Variants in TRERF1 observed in about 807,000 individuals in gnomAD.
The protein encoded by TRERF1 is transcriptional regulating factor 1.
TRERF1 carries 27 observed loss-of-function variants against 122.9 expected under a neutral mutation model. The observed-to-expected ratio is 0.22, with a 90% CI of 0.16 to 0.30. The LOEUF (loss-of-function observed/expected upper bound fraction) is 0.30, where lower values mean the gene tolerates loss of function less well. TRERF1 is among the 10% of genes least tolerant of loss of function. The probability of loss-of-function intolerance (pLI) is 1.00; values close to 1 mark genes in which losing one functional copy is unlikely to be tolerated. For missense variants in TRERF1, 1,248 were observed against 1,560.3 expected (o/e 0.80, Z 3.37); for synonymous variants, 636 against 641.7 (o/e 0.99, Z 0.13).
chr6:42,265,993 A>G (rs1311429058), intron 5 of TRERF1, among the ~76,000 whole-genome samples, 196 bp from the exon 6 acceptor site: 1 of 151,784 alleles, frequency 6.6e-6, no homozygotes, highest in African/African-American at 2.4e-5. Flanking sequence ...TTGCTCCTTG[A>G]CTTGGGACCA....
chr6:42,315,760 C>A (rs561639643), intron 3 of TRERF1, among the ~76,000 whole-genome samples: 3 of 131,724 alleles, frequency 2.3e-5, no homozygotes, highest in Non-Finnish European at 3.1e-5. Context: ...TGTCTGAGGG[C>A]TGGAGAACGC....
chr6:42,278,423 C>T (rs1039535658), intron 4 of TRERF1, among the ~76,000 whole-genome samples: 8 of 152,198 alleles, frequency 5.3e-5, no homozygotes, highest in African/African-American at 1.9e-4. Context: ...AACTTCACAT[C>T]GGTACTGATA....
chr6:42,241,336 C>A (rs983798636), intron 15 of TRERF1, among the ~76,000 whole-genome samples: 1 of 152,070 alleles, frequency 6.6e-6, no homozygotes, highest in African/African-American at 2.4e-5. Context: ...AATAGCAATA[C>A]CATTCTATTC....
At chr6:42,405,302 A>G (rs1392487829) in intron 2 of TRERF1, among the ~76,000 whole-genome samples, 1 of 152,158 alleles carries the variant, frequency 6.6e-6, no homozygotes, top group East Asian at 1.9e-4. Context: ...CCAGCACACA[A>G]GGTTATACTG....
Position 42,232,740 on chromosome 6 carries a change from G to A in TRERF1, c.3219C>T (p.His1073=), listed in dbSNP as rs1403022907. ...GGTCTGTCTCGCCGCTGGTGGTGCT[G>A]TGAGAGGGTGAGCTCTTTACCGAAC... The change falls in exon 17 of 18, where the codon CAC becomes CAT. Residue 1073 remains histidine, a synonymous_variant. Coordinates refer to ENST00000372922, the Ensembl canonical transcript of TRERF1. The surrounding 1 kb of genome is among the most constrained non-coding windows in gnomAD (Gnocchi z 4.5). 1 of 1,610,392 alleles carries A rather than the reference G, an allele frequency of 6.2e-7. No homozygotes were observed. Among genetic ancestry groups the A allele is most frequent in the African/African-American group, 1.3e-5 (1 of 75,008 alleles).
At chr6:42,389,940 T>A (rs1777433831) in intron 2 of TRERF1, among the ~76,000 whole-genome samples, 1 of 152,230 alleles carries the variant, frequency 6.6e-6, no homozygotes, top group South Asian at 2.1e-4. Context: ...CAGTGACTTG[T>A]CCCTTGTATG....
chr6:42,440,500 C>A (rs1786309705), intron 2 of TRERF1, among the ~76,000 whole-genome samples: 1 of 152,122 alleles, frequency 6.6e-6, no homozygotes, highest in Non-Finnish European at 1.5e-5. Flanking sequence ...CAAGGCCAGG[C>A]ACATAGTAAG....
At chr6:42,373,833 A>G (rs1303418677) in intron 2 of TRERF1, among the ~76,000 whole-genome samples, 1 of 148,388 alleles carries the variant, frequency 6.7e-6, no homozygotes, top group Non-Finnish European at 1.5e-5. Context: ...AAAAAAAAGA[A>G]GAAGAAAGAA....
At position 42,268,014 on chromosome 6, in the gene TRERF1, G is replaced by A. The variant is rs1779513479; in HGVS notation, c.1437+140C>T. On this transcript the variant is annotated intron_variant, in intron 5 of 17. Transcript: ENST00000372922. This position sits in a 1 kb window ranked among gnomAD's most constrained non-coding sequence, Gnocchi z 4.4. ...CAAGTGCTTGGCACAGACAGTGCGT[G>A]ACACATGTAGGTTAATGTTTGTGGA... 9.4e-7 allele frequency: 1 copy of A among 1,063,886 alleles called. No homozygotes were observed. Among genetic ancestry groups the A allele is most frequent in the South Asian group, 3.8e-5 (1 of 26,534 alleles). The allele number at this position is 1,063,886 out of a possible 1,614,324, so 65.9% of individuals were successfully genotyped here. A position where few individuals can be genotyped will look rare whatever the true frequency, so the allele number is the denominator to read the frequency against.
rs1429052176 is a variant in TRERF1 at position 42,276,575 on chromosome 6, C to T, written c.-258-6727G>A. ...GCTCTCCAGGATGTGGGCCGCAGTT[C>T]GCCGTCTTCTTTTTAGCACCGTTGT... On this transcript the variant is annotated intron_variant, in intron 4 of 17. Coordinates refer to ENST00000372922, the Ensembl canonical transcript of TRERF1. The surrounding 1 kb of genome is among the most constrained non-coding windows in gnomAD (Gnocchi z 4.3). Among the ~76,000 whole-genome samples, 2 of 152,174 alleles carry T rather than the reference C, an allele frequency of 1.3e-5. No individual in the cohort carries two copies. The highest frequency in any genetic ancestry group is 6.5e-5 in the Admixed American group (1 of 15,284).
At chr6:42,408,313 ATG>A (rs1491190137) in intron 2 of TRERF1, among the ~76,000 whole-genome samples, 1 of 123,520 alleles carries the variant, frequency 8.1e-6, no homozygotes, top group Admixed American at 8.1e-5. Context: ...ATACATACTC[ATG>A]TGTGTGTATA....
intron 2 of TRERF1, among the ~76,000 whole-genome samples, chr6:42,372,430 AGT>A (rs1773925738): frequency 6.6e-6 from 1 of 152,112 alleles, no homozygotes; most frequent in Admixed American, 6.5e-5. Context: ...CAGGCCTCAG[AGT>A]GGCAATGGCT....
intron 8 of TRERF1, among the ~76,000 whole-genome samples, chr6:42,261,215 C>T (rs1273670237): frequency 6.6e-6 from 1 of 152,144 alleles, no homozygotes; most frequent in East Asian, 1.9e-4. Flanking sequence ...CACTCTGTTC[C>T]CGGGTAACAG....
intron 4 of TRERF1, among the ~76,000 whole-genome samples, chr6:42,272,864 C>G (rs909308981): frequency 6.6e-6 from 1 of 152,172 alleles, no homozygotes; most frequent in African/African-American, 2.4e-5. Context: ...TTGCCCCCAG[C>G]TCAGATGGTC....
At chr6:42,355,038 A>C (rs558144770) in intron 3 of TRERF1, among the ~76,000 whole-genome samples, 1 of 152,308 alleles carries the variant, frequency 6.6e-6, no homozygotes, top group South Asian at 2.1e-4. Flanking sequence ...CTTCATCTAC[A>C]ACTAAGCAAT....
At chr6:42,364,618 T>C (rs1772379219) in intron 2 of TRERF1, among the ~76,000 whole-genome samples, 1 of 152,184 alleles carries the variant, frequency 6.6e-6, no homozygotes, top group Admixed American at 6.5e-5. Context: ...AGATAAGGAC[T>C]GAAGTGTCCG....
intron 2 of TRERF1, among the ~76,000 whole-genome samples, chr6:42,373,589 C>A (rs1229213188): frequency 1.3e-5 from 2 of 152,114 alleles, no homozygotes; most frequent in African/African-American, 4.8e-5. Context: ...ATGTCATGAA[C>A]CCCAGAGGCG....
intron 8 of TRERF1, among the ~76,000 whole-genome samples, chr6:42,261,994 G>A (rs571509786): frequency 2.7e-4 from 41 of 152,088 alleles, no homozygotes; most frequent in Non-Finnish European, 5.1e-4. Context: ...TGGGGGGGGT[G>A]TGCCTGGGAC....
At chr6:42,397,631 T>C (rs1426773515) in intron 2 of TRERF1, among the ~76,000 whole-genome samples, 5 of 152,184 alleles carry the variant, frequency 3.3e-5, no homozygotes, top group South Asian at 4.1e-4. Context: ...TCAGGTTTCA[T>C]GGACAGCATT....
Sources: gnomAD v4.1 joint callset for allele counts (sites outside exome capture counted in the v4.1 genomes callset) on GRCh38, gnomAD v4.1.1 for gene constraint, Gnocchi (gnomAD v3.1) non-coding constraint, MANE v1.5 for transcripts, NCBI Gene and HGNC (gene_info 2026-07-23, HGNC 2026-07-21) for gene names.